The following CCDC149 variants were observed in gnomAD, a reference collection of about 807,000 sequenced individuals.
The protein encoded by CCDC149 is coiled-coil domain containing 149.
In CCDC149, 45 loss-of-function variants were observed where a neutral mutation model predicts 59.9. That is an observed-to-expected ratio of 0.75 (90% confidence interval 0.59 to 0.96). CCDC149 has a LOEUF of 0.96. CCDC149 is among the 40% of genes least tolerant of loss of function. CCDC149 has a pLI of 0.00. For missense variants in CCDC149, 584 were observed against 664.7 expected, an observed-to-expected ratio of 0.88 and a Z score of 1.33; for synonymous variants, 245 against 260.6, an observed-to-expected ratio of 0.94 and a Z score of 0.58.
intron 1 of CCDC149, among the ~76,000 whole-genome samples, chr4:24,933,306 T>C (rs1218919639): frequency 6.6e-6 from 1 of 152,168 alleles, no homozygotes; most frequent in Non-Finnish European, 1.5e-5. Context: ...GATTATTCAG[T>C]GAATGGTAAT....
chr4:24,945,394 A>G (rs1433842765), intron 1 of CCDC149, among the ~76,000 whole-genome samples: 1 of 152,206 alleles, frequency 6.6e-6, no homozygotes, highest in Non-Finnish European at 1.5e-5. Flanking sequence ...TGTATGTGGT[A>G]ACAGAGGCAG....
rs190547499 is a variant in CCDC149 at position 24,806,222 on chromosome 4, G to A, written c.*2167C>T. ...CGCGTATCTATGGGGTGTTATCAGG[G>A]TTATATCTGTGACAGGATCAACTAA... On this transcript the variant is annotated 3_prime_UTR_variant, in exon 13 of 13. Coordinates refer to ENST00000635206, the MANE Select transcript of CCDC149 (RefSeq NM_001330643.2). The A allele has an allele frequency of 9.9e-5, 15 of 152,282 alleles. No homozygotes were observed. Among genetic ancestry groups the A allele is most frequent in the African/African-American group, 3.4e-4 (14 of 41,534 alleles). 9.4% of individuals were successfully genotyped at this position (152,282 alleles called of 1,614,324 possible).
At chr4:24,856,353 C>T (rs1024967127) in intron 3 of CCDC149, among the ~76,000 whole-genome samples, 1 of 152,168 alleles carries the variant, frequency 6.6e-6, no homozygotes, top group African/African-American at 2.4e-5. Context: ...GGTGACATTA[C>T]ATTAACTACA....
intron 2 of CCDC149, 29 bp downstream of exon 2, chr4:24,876,507 G>C (rs1028453108): frequency 6.3e-7 from 1 of 1,580,132 alleles, no homozygotes; most frequent in Non-Finnish European, 8.6e-7. Flanking sequence ...GAACAGGAAA[G>C]TCGCTGAACA....
chr4:24,933,448 G>A (rs1018874980), intron 1 of CCDC149, among the ~76,000 whole-genome samples: 1 of 152,128 alleles, frequency 6.6e-6, no homozygotes, highest in African/African-American at 2.4e-5. Flanking sequence ...AAAAGTAATT[G>A]GATGTTGAGA....
At chr4:24,860,421 C>A (rs1718304571) in intron 3 of CCDC149, among the ~76,000 whole-genome samples, 1 of 152,146 alleles carries the variant, frequency 6.6e-6, no homozygotes, top group African/African-American at 2.4e-5. Context: ...ATCCTCATCT[C>A]TCACCTTATA....
intron 1 of CCDC149, among the ~76,000 whole-genome samples, chr4:24,941,985 C>T (rs1722968744): frequency 6.6e-6 from 1 of 152,186 alleles, no homozygotes; most frequent in Non-Finnish European, 1.5e-5. Flanking sequence ...GAGCTGGTAC[C>T]ATTCCTTCTG....
intron 1 of CCDC149, among the ~76,000 whole-genome samples, chr4:24,887,567 A>G (rs547901909): frequency 6.6e-6 from 1 of 152,008 alleles, no homozygotes; most frequent in African/African-American, 2.4e-5. Context: ...CCTCTTCTCC[A>G]TCCCCCATCC....
intron 1 of CCDC149, among the ~76,000 whole-genome samples, chr4:24,937,805 C>G (rs1454281943): frequency 6.6e-6 from 1 of 152,186 alleles, no homozygotes; most frequent in Non-Finnish European, 1.5e-5. Flanking sequence ...TACAGAAAAG[C>G]ACATGGAAGT....
chr4:24,884,696 T>G (rs77604328), intron 1 of CCDC149, among the ~76,000 whole-genome samples: 2,879 of 152,342 alleles, frequency 0.019, 99 homozygotes, highest in African/African-American at 0.065. Flanking sequence ...TTACCTAGCC[T>G]CTCTGTGCCT....
chr4:24,908,271 A>G (rs1468528830), intron 1 of CCDC149, among the ~76,000 whole-genome samples: 1 of 152,160 alleles, frequency 6.6e-6, no homozygotes, highest in Non-Finnish European at 1.5e-5. Flanking sequence ...TACCAAGAGA[A>G]AGGCAGGGCC....
chr4:24,944,699 A>G (rs1349350521), intron 1 of CCDC149, among the ~76,000 whole-genome samples: 3 of 152,222 alleles, frequency 2.0e-5, no homozygotes, highest in African/African-American at 7.2e-5. Context: ...ACCATGGCAC[A>G]TGTATACGTA....
At chr4:24,865,774 T>C (rs1718657014) in intron 3 of CCDC149, among the ~76,000 whole-genome samples, 1 of 152,238 alleles carries the variant, frequency 6.6e-6, no homozygotes, top group Non-Finnish European at 1.5e-5. Context: ...CCAAGTTCTT[T>C]AGACTCATTG....
chr4:24,894,330 T>C (rs1317277585), intron 1 of CCDC149, among the ~76,000 whole-genome samples: 2 of 152,200 alleles, frequency 1.3e-5, no homozygotes, highest in Non-Finnish European at 2.9e-5. Flanking sequence ...ATAGTGGTTG[T>C]AGTGATAGTG....
chr4:24,937,924 TTATGGATGA>T (rs1722830275), intron 1 of CCDC149, among the ~76,000 whole-genome samples: 1 of 152,190 alleles, frequency 6.6e-6, no homozygotes, highest in African/African-American at 2.4e-5. Context: ...GTGCTGCTCC[TTATGGATGA>T]TATGTTGGTG....
intron 1 of CCDC149, among the ~76,000 whole-genome samples, chr4:24,955,794 G>A (rs538012724): frequency 6.6e-6 from 1 of 152,188 alleles, no homozygotes; most frequent in South Asian, 2.1e-4. Flanking sequence ...GAGTGATGGA[G>A]ATATGGTGGC....
chr4:24,808,891 C>A, intron 12 of CCDC149, 72 bp from the exon 13 acceptor site: 4 of 1,369,548 alleles, frequency 2.9e-6, no homozygotes, highest in South Asian at 1.5e-5. Context: ...TTCTGCCAAC[C>A]TCCTGCCCAG....
At chr4:24,902,889 G>T (rs750170475) in intron 1 of CCDC149, among the ~76,000 whole-genome samples, 12 of 151,780 alleles carry the variant, frequency 7.9e-5, no homozygotes, top group Non-Finnish European at 1.8e-4. Flanking sequence ...CCAGGAAATG[G>T]TGGCTCATGC....
intron 1 of CCDC149, among the ~76,000 whole-genome samples, chr4:24,973,938 C>G (rs10939024): frequency 0.72 from 108,897 of 152,218 alleles, 39,201 homozygotes; most frequent in African/African-American, 0.77. Flanking sequence ...GTCCCCGAGC[C>G]CGGGAAGCCC....
Sources: gnomAD v4.1 joint callset for allele counts (sites outside exome capture counted in the v4.1 genomes callset) on GRCh38, gnomAD v4.1.1 for gene constraint, MANE v1.5 for transcripts, NCBI Gene and HGNC (gene_info 2026-07-23, HGNC 2026-07-21) for gene names.